BRIX1: variants seen among roughly 807,000 people sequenced by gnomAD.
BRIX1 encodes the protein ribosome biogenesis protein BRX1 homolog.
A neutral mutation model predicts 44.0 loss-of-function variants in BRIX1; 15 were observed. That is an observed-to-expected ratio of 0.34 (90% CI 0.23 to 0.53). The LOEUF (loss-of-function observed/expected upper bound fraction) is 0.53, where lower values mean the gene tolerates loss of function less well. Ranked by LOEUF, BRIX1 falls within the 20% of genes least tolerant of loss-of-function variation. BRIX1 has a pLI of 0.95. For synonymous variants in BRIX1, 149 were observed against 135.4 expected, an observed-to-expected ratio of 1.10 and a Z score of -0.70; for missense variants, 420 against 432.8, an observed-to-expected ratio of 0.97 and a Z score of 0.26.
chr5:34,917,862 G>A (rs1024817711), intron 1 of BRIX1, among the ~76,000 whole-genome samples: 2 of 152,070 alleles, frequency 1.3e-5, no homozygotes, highest in Non-Finnish European at 2.9e-5. Flanking sequence ...GAACTTTTAG[G>A]GTTGGAAGGA....
At chr5:34,922,793 G>A in intron 6 of BRIX1, 25 bp downstream of exon 6, 3 of 1,598,256 alleles carry the variant, frequency 1.9e-6, no homozygotes, top group South Asian at 1.1e-5. Flanking sequence ...CAGTGTATGA[G>A]GTCTAATTTT....
At chr5:34,921,031 A>C (rs986369298) in intron 3 of BRIX1, 1 of 152,038 alleles carries the variant, frequency 6.6e-6, no homozygotes, top group African/African-American at 2.4e-5. Context: ...TGCCCAGCTA[A>C]TTTTTTGTAT....
At chr5:34,918,519 T>TA in intron 2 of BRIX1, 44 bp downstream of exon 2, 1 of 1,087,710 alleles carries the variant, frequency 9.2e-7, no homozygotes, top group Non-Finnish European at 1.3e-6. Context: ...TCTATAAACT[T>TA]ACCTATTTTT....
At chr5:34,921,218 G>T (rs898360423) in intron 3 of BRIX1, 1 of 152,222 alleles carries the variant, frequency 6.6e-6, no homozygotes, top group Admixed American at 6.5e-5. Context: ...GAATACTACA[G>T]TAATACAAGC....
At position 34,915,765 on chromosome 5, in the gene BRIX1, T is replaced by G. The variant is rs1457623360; in HGVS notation, c.27T>G (p.Arg9=). 1.2e-6 allele frequency: 2 copies of G among 1,603,388 alleles called. No homozygotes were observed. The highest frequency in any genetic ancestry group is 1.7e-6 in the Non-Finnish European group (2 of 1,175,110). Residue 9 remains arginine (R), a synonymous_variant, in exon 1 of 10, where the codon CGT becomes CGG. Transcript: ENST00000336767. The part of the protein sequence containing the change: MAATKRKR[R]GGFAVQAKKP... ...TGGCGGCAACCAAGAGGAAACGGCG[T>G]GGAGGCTTTGCAGTTCAGGCGAAGA...
intron 2 of BRIX1, 36 bp from the exon 3 acceptor site, chr5:34,919,804 T>A (rs1211112353): frequency 1.4e-6 from 1 of 715,094 alleles, no homozygotes; most frequent in African/African-American, 1.8e-5. Flanking sequence ...AAATCACCTT[T>A]AATTTACTTG....
Position 34,922,250 on chromosome 5 carries a change from T to C in BRIX1, c.349T>C (p.Tyr117His). Reference sequence around the variant, plus strand: ...AATGAAGAACTGTAATAAATGCATCTATTTTGAAGCTAAGAAAAAACAGGA... The same window carrying C: ...AATGAAGAACTGTAATAAATGCATCCATTTTGAAGCTAAGAAAAAACAGGA... ...CEMKNCNKCIYFEAKKKQDLY... is the reference protein window; with the variant it reads ...CEMKNCNKCIHFEAKKKQDLY... Residue 117 changes from tyrosine to histidine, a missense_variant, in exon 4 of 10, where the codon TAT becomes CAT. Tyr to His is a moderately conservative substitution (Grantham distance 83). Coordinates refer to ENST00000336767, the MANE Select transcript of BRIX1 (RefSeq NM_018321.4). 6.3e-7 allele frequency: 1 copy of C among 1,593,038 alleles called. No individual in the cohort carries two copies. The highest frequency in any genetic ancestry group is 8.6e-7 in the Non-Finnish European group (1 of 1,164,898).
chr5:34,925,422 A>G lies in BRIX1; in HGVS notation c.989A>G (p.Lys330Arg). Residue 330 changes from lysine to arginine, a missense_variant, in exon 10 of 10, where the codon AAA becomes AGA. Coordinates refer to ENST00000336767, the MANE Select transcript of BRIX1 (RefSeq NM_018321.4). ...WVKPEPKVDL[K>R]ARKKRIYKRQ... ...AAACCAGAGCCAAAAGTTGATTTGA[A>G]AGCAAGAAAGAAACGGATTTACAAA... is the stretch of plus-strand genomic sequence containing the variant. The G allele has an allele frequency of 6.2e-7, 1 of 1,613,992 alleles. No individual in the cohort carries two copies. The highest frequency in any genetic ancestry group is 1.1e-5 in the South Asian group (1 of 91,074).
Position 34,925,729 on chromosome 5 carries a change from T to C in BRIX1, c.*234T>C, listed in dbSNP as rs1764364622. 2.2e-6 allele frequency: 1 copy of C among 445,974 alleles called. No homozygotes were observed. The highest frequency in any genetic ancestry group is 3.5e-5 in the South Asian group (1 of 28,810). 27.6% of individuals were successfully genotyped at this position (445,974 alleles called of 1,614,324 possible). ...TTGTGTTGCTAAAAATGTAGCACAC[T>C]TAATGTAGCCTGTTCTCTTGGGTTG... On this transcript the variant is annotated 3_prime_UTR_variant, in exon 10 of 10. Transcript: ENST00000336767.
Position 34,922,283 on chromosome 5 carries a change from A to ATG in BRIX1, c.385_386dup (p.Trp129CysfsTer25). On this transcript the variant is annotated frameshift_variant, in exon 4 of 10. Transcript: ENST00000336767. LOFTEE classifies it high-confidence loss of function. ...AGCTAAGAAAAAACAGGATCTCTAT[A>ATG]TGTGGTAAGAGAATGTATTAAGATT... is the stretch of plus-strand genomic sequence containing the variant. 1 of 1,549,120 alleles carries ATG rather than the reference A, an allele frequency of 6.5e-7. No homozygotes were observed.
intron 8 of BRIX1, 37 bp downstream of exon 8, chr5:34,923,271 T>A (rs774689344): frequency 9.6e-5 from 135 of 1,407,770 alleles, no homozygotes; most frequent in Non-Finnish European, 1.3e-4. Flanking sequence ...ACCTTTTTTT[T>A]AATTGAGTTT....
intron 3 of BRIX1, 40 bp downstream of exon 3, chr5:34,919,923 T>G (rs2111977142): frequency 1.3e-6 from 1 of 746,788 alleles, no homozygotes; most frequent in East Asian, 2.8e-5. Flanking sequence ...ATTTTTAAAA[T>G]GTTAACAGTG....
chr5:34,923,187 T>A lies in BRIX1; in HGVS notation c.616T>A (p.Phe206Ile). The change falls in exon 8 of 10, where the codon TTT becomes ATT. Residue 206 changes from phenylalanine (F) to isoleucine (I), a missense_variant. Transcript: ENST00000336767. ...PKSQPFVDHV[F>I]TFTILDNRIW... ...AAGCCAACCATTTGTGGACCACGTG[T>A]TTACTTTCACCATTTTGGATAATAG... The A allele has an allele frequency of 6.2e-7, 1 of 1,614,200 alleles. No homozygotes were observed. Among genetic ancestry groups the A allele is most frequent in the Non-Finnish European group, 8.5e-7 (1 of 1,180,000 alleles).
chr5:34,923,616 C>T (rs879926979), intron 8 of BRIX1, among the ~76,000 whole-genome samples: 1 of 152,054 alleles, frequency 6.6e-6, no homozygotes, highest in African/African-American at 2.4e-5. Flanking sequence ...GCAGTGTTGC[C>T]TAGGTTGGCC....
intron 1 of BRIX1, among the ~76,000 whole-genome samples, chr5:34,917,886 T>C (rs139157912): frequency 3.2e-4 from 48 of 151,804 alleles, no homozygotes; most frequent in African/African-American, 1.0e-3. Context: ...ATTGGAGAGA[T>C]TGAAGTTGAA....
At chr5:34,921,316 T>C (rs1303994591) in intron 3 of BRIX1, 1 of 152,188 alleles carries the variant, frequency 6.6e-6, no homozygotes, top group Non-Finnish European at 1.5e-5. Context: ...ATAGGTTTGA[T>C]ATACTTAGGC....
rs971646123 is a variant in BRIX1, at chr5:34,922,158, ATTACT to A, written c.316-55_316-51del. 1.4e-5 allele frequency: 14 copies of A among 966,626 alleles called. No homozygotes were observed. The Admixed American group carries it at 1.5e-4, about 11-fold the overall frequency. The allele number at this position is 966,626 out of a possible 1,614,324, so 59.9% of individuals were successfully genotyped here. ...ATCTGGATGATATTAATCACATATA[ATTACT>A]TTAGTTCTCATTTATATTATCTACT... On this transcript the variant is annotated intron_variant, in intron 3 of 9. Coordinates refer to ENST00000336767, the MANE Select transcript of BRIX1 (RefSeq NM_018321.4).
chr5:34,925,564 T>C lies in BRIX1; in HGVS notation c.*69T>C. Reference sequence around the variant, plus strand: ...TTTGTATTCAATGTGTAAATACTTTTATTATCTAATACTATCTTACGTCTA... The same window carrying C: ...TTTGTATTCAATGTGTAAATACTTTCATTATCTAATACTATCTTACGTCTA... On this transcript the variant is annotated 3_prime_UTR_variant, in exon 10 of 10. Coordinates refer to ENST00000336767, the MANE Select transcript of BRIX1 (RefSeq NM_018321.4). The C allele has an allele frequency of 1.5e-6, 2 of 1,327,080 alleles. No homozygotes were observed. The highest frequency in any genetic ancestry group is 2.1e-6 in the Non-Finnish European group (2 of 970,150). 82.2% of individuals were successfully genotyped at this position (1,327,080 alleles called of 1,614,324 possible).
In BRIX1 at chr5:34,924,972, C is replaced by A; in HGVS notation, c.789C>A (p.Asn263Lys). 6.2e-7 allele frequency: 1 copy of A among 1,612,766 alleles called. No individual in the cohort carries two copies. The highest frequency in any genetic ancestry group is 1.1e-5 in the South Asian group (1 of 91,002). ...AAAATCCTCACTACCAGTCACCAAACATGGTAAGCGGTTGTGTCATTCAGT... is the reference window on the plus strand; with the variant it reads ...AAAATCCTCACTACCAGTCACCAAAAATGGTAAGCGGTTGTGTCATTCAGT... ...LYENPHYQSP[N>K]MHRRVIRSIT... Residue 263 changes from asparagine (N) to lysine (K), a missense_variant, in exon 9 of 10, where the codon AAC (asparagine) becomes AAA (lysine). By Grantham distance (94) the Asn-to-Lys change is moderately conservative. Transcript: ENST00000336767.
Sources: gnomAD v4.1 joint callset for allele counts (sites outside exome capture counted in the v4.1 genomes callset) on GRCh38, gnomAD v4.1.1 for gene constraint, MANE v1.5 for transcripts, NCBI Gene and HGNC (gene_info 2026-07-23, HGNC 2026-07-21) for gene names.